KLB: variants seen among roughly 807,000 people sequenced by gnomAD.
The protein encoded by KLB is beta-klotho.
In KLB, 44 loss-of-function variants were observed where a neutral mutation model predicts 88.4. The ratio of observed to expected loss-of-function variants is 0.50; its 90% CI spans 0.39 to 0.64. The LOEUF is 0.64. KLB is among the 30% of genes least tolerant of loss of function. The pLI, the probability that KLB is intolerant of heterozygous loss-of-function variation, is 0.00. For missense variants in KLB, 1,137 were observed against 1,304.8 expected (o/e 0.87, Z 1.98); for synonymous variants, 548 against 513.4 (o/e 1.07, Z -0.91).
rs1485946426 is a variant in KLB, at chr4:39,449,376, G to A, written c.*690G>A. 2 of 151,222 alleles carry A rather than the reference G, an allele frequency of 1.3e-5. No homozygotes were observed. Among genetic ancestry groups the A allele is most frequent in the Non-Finnish European group, 2.9e-5 (2 of 67,914 alleles). 9.4% of individuals were successfully genotyped at this position (151,222 alleles called of 1,614,324 possible). A position where few individuals can be genotyped will look rare whatever the true frequency, so the allele number is the denominator to read the frequency against. On this transcript the variant is annotated 3_prime_UTR_variant, in exon 5 of 5. Coordinates refer to ENST00000257408, the MANE Select transcript of KLB (RefSeq NM_175737.4). ...TTGTTTTGTTAGACTCTACAGCAGA[G>A]ATTTAACACCCTTCTTTAAACTGGG... is the stretch of plus-strand genomic sequence containing the variant.
chr4:39,424,786 G>T (rs1188149165), intron 1 of KLB, among the ~76,000 whole-genome samples: 1 of 151,846 alleles, frequency 6.6e-6, no homozygotes, highest in Non-Finnish European at 1.5e-5. Context: ...GTGCCACCAC[G>T]CCTGGCTAAT....
At chr4:39,430,456 C>G (rs1743322118) in intron 1 of KLB, among the ~76,000 whole-genome samples, 1 of 149,914 alleles carries the variant, frequency 6.7e-6, no homozygotes, top group South Asian at 2.1e-4. Flanking sequence ...GATTCTAGCC[C>G]CAGAAAAACC....
chr4:39,422,328 T>C (rs1205945117), intron 1 of KLB, among the ~76,000 whole-genome samples: 1 of 152,130 alleles, frequency 6.6e-6, no homozygotes, highest in Non-Finnish European at 1.5e-5. Context: ...TCATCTATAA[T>C]AGAAACTTTT....
chr4:39,433,040 C>A (rs1743396628), intron 1 of KLB, among the ~76,000 whole-genome samples: 1 of 152,046 alleles, frequency 6.6e-6, no homozygotes, highest in South Asian at 2.1e-4. Context: ...CCACCATGCC[C>A]AACTAAGTTT....
At chr4:39,426,231 G>A (rs1234250480) in intron 1 of KLB, among the ~76,000 whole-genome samples, 6 of 131,716 alleles carry the variant, frequency 4.6e-5, no homozygotes, top group East Asian at 2.1e-4. Flanking sequence ...CAGCCTAGGC[G>A]ACAGAGCGAG....
rs1419197637 is a variant in KLB, at chr4:39,450,422, T to A, written c.*1736T>A. On this transcript the variant is annotated 3_prime_UTR_variant, in exon 5 of 5. Coordinates refer to ENST00000257408, the MANE Select transcript of KLB (RefSeq NM_175737.4). Reference sequence around the variant, plus strand: ...TCTGAAGCTAAATTCAGTATCTAACTGCTAATGAACAAGTTTCCAAAATAC... The same window carrying A: ...TCTGAAGCTAAATTCAGTATCTAACAGCTAATGAACAAGTTTCCAAAATAC... 6.6e-6 allele frequency: 1 copy of A among 152,196 alleles called. No homozygotes were observed. The highest frequency in any genetic ancestry group is 1.5e-5 in the Non-Finnish European group (1 of 68,034). 9.4% of individuals were successfully genotyped at this position (152,196 alleles called of 1,614,324 possible).
Position 39,446,600 on chromosome 4 carries a change from G to A in KLB, c.1874G>A (p.Cys625Tyr). ...CGACAGGCCCTGAGGTACTACAGGT[G>A]CGTGGTCAGTGAGGGGCTGAAGCTT... The part of the protein sequence containing the change: ...VNRQALRYYR[C>Y]VVSEGLKLGI... The change falls in exon 4 of 5, where the codon TGC (cysteine) becomes TAC (tyrosine). Residue 625 changes from cysteine to tyrosine, a missense_variant. Physicochemically the swap from Cys to Tyr is radical, Grantham distance 194. Coordinates refer to ENST00000257408, the MANE Select transcript of KLB (RefSeq NM_175737.4). This position sits in a 1 kb window ranked among gnomAD's most constrained non-coding sequence, Gnocchi z 6.4. 1.2e-6 allele frequency: 2 copies of A among 1,614,172 alleles called. No individual in the cohort carries two copies. Among genetic ancestry groups the A allele is most frequent in the South Asian group, 1.1e-5 (1 of 91,088 alleles).
intron 3 of KLB, among the ~76,000 whole-genome samples, chr4:39,443,429 T>A (rs922701400): frequency 2.6e-5 from 4 of 151,812 alleles, no homozygotes; most frequent in Admixed American, 2.0e-4. Context: ...ATATGGTAAC[T>A]TTTCCATTTT....
Position 39,437,967 on chromosome 4 carries a change from C to T in KLB, c.1577C>T (p.Ser526Phe), listed in dbSNP as rs1005897205. The part of the protein sequence containing the change: ...DVQGQFPCDF[S>F]WGVTESVLKP... ...CAGGGCCAGTTTCCCTGTGACTTCT[C>T]CTGGGGTGTCACTGAATCTGTTCTT... is the stretch of plus-strand genomic sequence containing the variant. Residue 526 changes from serine to phenylalanine, a missense_variant, in exon 3 of 5, where the codon TCC becomes TTC. Physicochemically the swap from Ser to Phe is radical, Grantham distance 155. This residue lies in a region of KLB where 597 missense variants were observed against 765.2 expected (regional missense o/e 0.78). Transcript: ENST00000257408. 8 of 1,614,074 alleles carry T rather than the reference C, an allele frequency of 5.0e-6. No homozygotes were observed. Among genetic ancestry groups the T allele is most frequent in the South Asian group, 1.1e-5 (1 of 91,050 alleles).
intron 3 of KLB, among the ~76,000 whole-genome samples, chr4:39,438,655 G>A (rs757644075): frequency 6.6e-6 from 1 of 152,230 alleles, no homozygotes; most frequent in Non-Finnish European, 1.5e-5. Flanking sequence ...AGCTGCATAA[G>A]AGCAAAAATG....
Position 39,434,350 on chromosome 4 carries a change from C to T in KLB, c.966C>T (p.Ser322=), listed in dbSNP as rs1335888527. 1 of 1,614,160 alleles carries T rather than the reference C, an allele frequency of 6.2e-7. No homozygotes were observed. Among genetic ancestry groups the T allele is most frequent in the African/African-American group, 1.3e-5 (1 of 75,036 alleles). Residue 322 remains serine, a synonymous_variant, in exon 2 of 5, where the codon TCC becomes TCT. Transcript: ENST00000257408. Reference sequence around the variant, plus strand: ...TGGATATATTCAAATGTCAACAATCCATGGTTTCTGTGCTTGGATGGTTTG... The same window carrying T: ...TGGATATATTCAAATGTCAACAATCTATGGTTTCTGTGCTTGGATGGTTTG... ...NTMDIFKCQQ[S]MVSVLGWFAN...
At chr4:39,425,130 G>A (rs912950418) in intron 1 of KLB, among the ~76,000 whole-genome samples, 25 of 152,078 alleles carry the variant, frequency 1.6e-4, no homozygotes, top group Admixed American at 1.2e-3. Context: ...GCTCTCCTCC[G>A]GCAAAGAGAA....
At chr4:39,416,305 T>C (rs1331636217) in intron 1 of KLB, among the ~76,000 whole-genome samples, 1 of 152,132 alleles carries the variant, frequency 6.6e-6, no homozygotes, top group Non-Finnish European at 1.5e-5. Context: ...TTGTGTATTA[T>C]GACAATTTCC....
At chr4:39,424,671 GC>G (rs1743161418) in intron 1 of KLB, among the ~76,000 whole-genome samples, 1 of 148,498 alleles carries the variant, frequency 6.7e-6, no homozygotes, top group Non-Finnish European at 1.5e-5. Flanking sequence ...TCGCACTGTT[GC>G]CCAGGCTGGA....
chr4:39,426,537 C>T (rs1743221826), intron 1 of KLB, among the ~76,000 whole-genome samples: 1 of 149,124 alleles, frequency 6.7e-6, no homozygotes, highest in African/African-American at 2.5e-5. Context: ...CTAAGAAAAG[C>T]AAAGGTAAAA....
rs1274499832 is a variant in KLB at position 39,434,333 on chromosome 4, T to C, written c.949T>C (p.Phe317Leu). The change falls in exon 2 of 5, where the codon TTC becomes CTC. Residue 317 changes from phenylalanine (F) to leucine (L), a missense_variant. Physicochemically the swap from Phe to Leu is conservative, Grantham distance 22. Transcript: ENST00000257408. ...CCGGTCGGAAAACACGATGGATATATTCAAATGTCAACAATCCATGGTTTC... is the reference window on the plus strand; with the variant it reads ...CCGGTCGGAAAACACGATGGATATACTCAAATGTCAACAATCCATGGTTTC... Reference protein sequence around the residue: ...PNRSENTMDIFKCQQSMVSVL... With the variant: ...PNRSENTMDILKCQQSMVSVL... The C allele has an allele frequency of 6.2e-7, 1 of 1,614,092 alleles. No individual in the cohort carries two copies. Among genetic ancestry groups the C allele is most frequent in the African/African-American group, 1.3e-5 (1 of 74,930 alleles).
chr4:39,415,839 A>G lies in KLB; in HGVS notation c.825+8065A>G, dbSNP rs1320505146. ...ACACTGTGAAAGTGGCTTTCAGGATAAGATATGTTGGGAAACCCTACTCTA... is the reference window on the plus strand; with the variant it reads ...ACACTGTGAAAGTGGCTTTCAGGATGAGATATGTTGGGAAACCCTACTCTA... On this transcript the variant is annotated intron_variant, in intron 1 of 4. Transcript: ENST00000257408. Among the ~76,000 whole-genome samples the G allele has an allele frequency of 2.0e-5, 3 of 152,142 alleles. No individual in the cohort carries two copies. The South Asian group carries it at 6.2e-4, about 32-fold the overall frequency.
At position 39,435,138 on chromosome 4, in the gene KLB, T is replaced by A. The variant is rs560174721; in HGVS notation, c.1336+418T>A. On this transcript the variant is annotated intron_variant, in intron 2 of 4. Coordinates refer to ENST00000257408, the MANE Select transcript of KLB (RefSeq NM_175737.4). The stretch of plus-strand genomic sequence containing the variant: ...TTTGTATTGTCCAATATTTTTTTTT[T>A]AAATGGAGCCACTCTGTGGCCCAGG... 8.7e-5 allele frequency among the ~76,000 whole-genome samples: 13 copies of A among 148,710 alleles called. No homozygotes were observed. The East Asian group carries it at 2.4e-3, about 28-fold the overall frequency.
At chr4:39,425,051 A>T (rs969991511) in intron 1 of KLB, among the ~76,000 whole-genome samples, 1 of 152,204 alleles carries the variant, frequency 6.6e-6, no homozygotes, top group East Asian at 1.9e-4. Context: ...GCATGAAAAA[A>T]TTACTATCAG....
Sources: gnomAD v4.1 joint callset for allele counts (sites outside exome capture counted in the v4.1 genomes callset) on GRCh38, gnomAD v4.1.1 for gene constraint, gnomAD v4.1.1 regional missense constraint, Gnocchi (gnomAD v3.1) non-coding constraint, MANE v1.5 for transcripts, NCBI Gene and HGNC (gene_info 2026-07-23, HGNC 2026-07-21) for gene names.